Variants in ACBD6 observed in about 807,000 individuals in gnomAD.
ACBD6 encodes acyl-CoA binding domain containing 6.
A neutral mutation model predicts 37.2 loss-of-function variants in ACBD6; 28 were observed. The ratio of observed to expected loss-of-function variants is 0.75; its 90% CI spans 0.56 to 1.03. The LOEUF (loss-of-function observed/expected upper bound fraction) is 1.03, where lower values mean the gene tolerates loss of function less well. Ranked by LOEUF, ACBD6 falls within the 50% of genes least tolerant of loss-of-function variation. ACBD6 has a pLI of 0.00. For synonymous variants in ACBD6, 113 were observed against 126.8 expected (o/e 0.89, Z 0.73); for missense variants, 340 against 337.4 (o/e 1.01, Z -0.06).
intron 7 of ACBD6, among the ~76,000 whole-genome samples, chr1:180,301,538 T>A (rs1558240032): frequency 6.6e-6 from 1 of 152,158 alleles, no homozygotes; most frequent in Non-Finnish European, 1.5e-5. Flanking sequence ...CCAAGATGAA[T>A]CATCTGTTTG....
intron 6 of ACBD6, among the ~76,000 whole-genome samples, chr1:180,362,158 A>G (rs1173733829): frequency 1.3e-5 from 2 of 152,214 alleles, no homozygotes; most frequent in African/African-American, 4.8e-5. Flanking sequence ...AGAGGGAGAG[A>G]GGGACAAAAG....
chr1:180,472,834 A>G (rs557029646), intron 3 of ACBD6, among the ~76,000 whole-genome samples: 1 of 152,220 alleles, frequency 6.6e-6, no homozygotes, highest in Non-Finnish European at 1.5e-5. Context: ...TAAGTAATAC[A>G]GCCTGAAGAG....
chr1:180,275,722 C>G (rs1001064814), intron 9 of ACBD6: 3 of 152,114 alleles, frequency 2.0e-5, no homozygotes, highest in Non-Finnish European at 4.4e-5. Flanking sequence ...AGGGAGCAGC[C>G]CTAAAATTGT....
intron 4 of ACBD6, among the ~76,000 whole-genome samples, chr1:180,429,754 A>T (rs1648738758): frequency 6.6e-6 from 1 of 152,170 alleles, no homozygotes; most frequent in African/African-American, 2.4e-5. Context: ...CAAATTAAAA[A>T]ATTAAAATAT....
intron 2 of ACBD6, among the ~76,000 whole-genome samples, chr1:180,493,274 A>AC (rs1249751352): frequency 1.4e-5 from 2 of 139,488 alleles, no homozygotes; most frequent in Non-Finnish European, 3.0e-5. Flanking sequence ...AAAAAAAAAA[A>AC]AAAACAACAA....
In ACBD6 at chr1:180,304,894, C is replaced by T. The variant is rs534012385; in HGVS notation, c.694+9798G>A. 5.3e-5 allele frequency among the ~76,000 whole-genome samples: 8 copies of T among 152,106 alleles called. No homozygotes were observed. The East Asian group carries it at 1.4e-3, about 26-fold the overall frequency. ...TAACCAAAACAGCATGGTACTGGTA[C>T]CAAAACAGAGATATAGACCAATGGT... On this transcript the variant is annotated intron_variant, in intron 7 of 7. Transcript: ENST00000367595.
intron 6 of ACBD6, among the ~76,000 whole-genome samples, chr1:180,353,785 C>CAAAAAAAAAAAAAAAAAAAAAAAAAAA (rs56286672): frequency 5.1e-5 from 1 of 19,754 alleles, no homozygotes; most frequent in Non-Finnish European, 8.6e-5. Flanking sequence ...TTAACAACCA[C>CAAAAAAAAAAAAAAAAAAAAAAAAAAA]AAAAAAAAAA....
intron 6 of ACBD6, among the ~76,000 whole-genome samples, chr1:180,369,483 G>A (rs1653175479): frequency 1.3e-5 from 2 of 152,134 alleles, no homozygotes; most frequent in Non-Finnish European, 2.9e-5. Context: ...ATTTTCGGAA[G>A]GGAGAAATAA....
intron 6 of ACBD6, among the ~76,000 whole-genome samples, chr1:180,396,588 C>A (rs1306174300): frequency 1.3e-5 from 2 of 152,082 alleles, no homozygotes; most frequent in African/African-American, 4.8e-5. Context: ...AGCACTCCTA[C>A]AACTCAACAA....
intron 6 of ACBD6, among the ~76,000 whole-genome samples, chr1:180,385,810 A>G (rs555198138): frequency 3.4e-4 from 52 of 152,156 alleles, no homozygotes; most frequent in Non-Finnish European, 7.5e-4. Flanking sequence ...TGTTTATGCT[A>G]TTCAGTCTGT....
downstream of ACBD6, among the ~76,000 whole-genome samples, chr1:180,283,368 G>A (rs150435502): frequency 6.6e-6 from 1 of 152,160 alleles, no homozygotes; most frequent in East Asian, 1.9e-4. Flanking sequence ...AGGTTCAAAT[G>A]GTGACTTTCC....
At chr1:180,312,538 TTTTG>T (rs1410382872) in intron 7 of ACBD6, among the ~76,000 whole-genome samples, 1 of 152,194 alleles carries the variant, frequency 6.6e-6, no homozygotes, top group Non-Finnish European at 1.5e-5. Context: ...CTTTTATTTA[TTTTG>T]TTTTTCATTT....
chr1:180,460,160 TG>T (rs1452665828), intron 3 of ACBD6, among the ~76,000 whole-genome samples: 1 of 138,016 alleles, frequency 7.2e-6, no homozygotes, highest in African/African-American at 2.6e-5. Flanking sequence ...GGCCCCGGTG[TG>T]TGATGTTCCT....
intron 6 of ACBD6, among the ~76,000 whole-genome samples, chr1:180,363,686 AAGCAGGAGCAGGAGCAG>A (rs1652929116): frequency 7.9e-5 from 2 of 25,312 alleles, no homozygotes; most frequent in South Asian, 0.013. Context: ...CAATCAGAGT[AAGCAGGAGCAGGAGCAG>A]GAGCAGGAGC....
intron 6 of ACBD6, among the ~76,000 whole-genome samples, chr1:180,396,187 T>C (rs1294433127): frequency 6.6e-6 from 1 of 152,094 alleles, no homozygotes; most frequent in Non-Finnish European, 1.5e-5. Flanking sequence ...AGAGTTTCAG[T>C]TGGGGGAGAT....
chr1:180,479,492 G>A (rs1453249486), intron 3 of ACBD6, among the ~76,000 whole-genome samples: 2 of 152,028 alleles, frequency 1.3e-5, no homozygotes, highest in Admixed American at 1.3e-4. Flanking sequence ...AGACTGGGAG[G>A]GGCAAGTAGG....
intron 5 of ACBD6, among the ~76,000 whole-genome samples, chr1:180,403,435 C>T (rs1223226398): frequency 6.6e-6 from 1 of 151,998 alleles, no homozygotes; most frequent in Non-Finnish European, 1.5e-5. Flanking sequence ...CTGTGTACTC[C>T]AAAATGTATC....
intron 6 of ACBD6, among the ~76,000 whole-genome samples, chr1:180,315,803 G>A (rs1330678936): frequency 6.6e-6 from 1 of 152,110 alleles, no homozygotes; most frequent in Non-Finnish European, 1.5e-5. Flanking sequence ...TCCTACTGTG[G>A]AATGAAGGTC....
intron 6 of ACBD6, among the ~76,000 whole-genome samples, chr1:180,325,365 C>T (rs1391606113): frequency 2.0e-5 from 3 of 152,142 alleles, no homozygotes; most frequent in Non-Finnish European, 4.4e-5. Flanking sequence ...GAGACTGATG[C>T]ATTCTTCACT....
Sources: allele counts gnomAD v4.1 joint callset (sites outside exome capture counted in the v4.1 genomes callset), GRCh38; gene constraint gnomAD v4.1.1; transcripts MANE v1.5; gene names NCBI Gene and HGNC (gene_info 2026-07-23, HGNC 2026-07-21).